Variants in KAZN observed in about 807,000 individuals in gnomAD.
KAZN encodes the protein kazrin, periplakin interacting protein.
KAZN carries 40 observed loss-of-function variants against 87.4 expected under a neutral mutation model. That is an observed-to-expected ratio of 0.46 (90% CI 0.36 to 0.60). The LOEUF is 0.60. Ranked by LOEUF, KAZN falls within the 20% of genes least tolerant of loss-of-function variation. The pLI is 0.00. For synonymous variants in KAZN, 466 were observed against 458.3 expected, an observed-to-expected ratio of 1.02 and a Z score of -0.22; for missense variants, 898 against 1,073.9, an observed-to-expected ratio of 0.84 and a Z score of 2.29.
chr1:14,447,240 T>C (rs1571671013), intron 2 of KAZN, among the ~76,000 whole-genome samples: 4 of 146,872 alleles, frequency 2.7e-5, no homozygotes, highest in East Asian at 4.0e-4. Context: ...ATTATTATTA[T>C]TATTATTATT....
intron 2 of KAZN, among the ~76,000 whole-genome samples, chr1:14,217,521 A>AT (rs984943199): frequency 6.6e-6 from 1 of 152,056 alleles, no homozygotes. Context: ...AAAAATGGAA[A>AT]TTTTTTTAAG....
chr1:14,274,691 C>G (rs1156784151), intron 2 of KAZN, among the ~76,000 whole-genome samples: 1 of 152,184 alleles, frequency 6.6e-6, no homozygotes, highest in Non-Finnish European at 1.5e-5. Flanking sequence ...ACTTCTAGCT[C>G]TGCCACATAT....
intron 1 of KAZN, among the ~76,000 whole-genome samples, chr1:13,921,733 C>T (rs1640075359): frequency 6.6e-6 from 1 of 152,114 alleles, no homozygotes; most frequent in East Asian, 1.9e-4. Flanking sequence ...TCATGCCATT[C>T]TCCTGCCTCA....
chr1:14,842,026 G>A (rs1490015384), intron 1 of KAZN, among the ~76,000 whole-genome samples: 1 of 152,114 alleles, frequency 6.6e-6, no homozygotes, highest in African/African-American at 2.4e-5. Flanking sequence ...GCCCTTATCA[G>A]TGAGTCCTTC....
At chr1:14,180,577 C>T (rs1347727942) in exon 2 of KAZN, 4 of 1,549,340 alleles carry the variant, frequency 2.6e-6, no homozygotes, top group Admixed American at 3.9e-5. Flanking sequence ...TGAGGCACCT[C>T]TTAATGGATG....
At chr1:14,611,995 A>G (rs1454625943) in intron 1 of KAZN, among the ~76,000 whole-genome samples, 1 of 152,236 alleles carries the variant, frequency 6.6e-6, no homozygotes, top group Non-Finnish European at 1.5e-5. Flanking sequence ...ATAAAACTTT[A>G]TTTATAAAAA....
rs2101528059 is a variant in KAZN, at chr1:14,063,883, T to G, written c.92-116552T>G. ...GCCATCATATAAGACGTCACTGCTC[T>G]TCCTTGTCTTCTGCCATGATTGTGA... is the stretch of plus-strand genomic sequence containing the variant. On this transcript the variant is annotated intron_variant, in intron 1 of 16. Coordinates refer to the KAZN transcript ENST00000636203. Among the ~76,000 whole-genome samples the G allele has an allele frequency of 1.3e-5, 2 of 152,280 alleles. 1 individual carries two copies. Among genetic ancestry groups the G allele is most frequent in the South Asian group, 4.2e-4 (2 of 4,818 alleles).
chr1:14,942,287 C>T (rs1247639449), intron 1 of KAZN, among the ~76,000 whole-genome samples: 1 of 151,924 alleles, frequency 6.6e-6, no homozygotes, highest in East Asian at 1.9e-4. Flanking sequence ...GCAGATGTGT[C>T]GGGAAAGAGG....
At chr1:14,233,899 A>G (rs1296764437) in intron 2 of KAZN, among the ~76,000 whole-genome samples, 22 of 152,220 alleles carry the variant, frequency 1.4e-4, no homozygotes, top group Admixed American at 1.4e-3. Context: ...TCAGGAAACA[A>G]CAGATGCTGG....
At chr1:14,788,520 T>C (rs961593557) in intron 1 of KAZN, among the ~76,000 whole-genome samples, 1 of 152,150 alleles carries the variant, frequency 6.6e-6, no homozygotes, top group African/African-American at 2.4e-5. Context: ...CAAAGGCTTA[T>C]AAGGTTTTCT....
At chr1:14,295,177 CA>C (rs748666521) in intron 2 of KAZN, among the ~76,000 whole-genome samples, 5 of 152,186 alleles carry the variant, frequency 3.3e-5, no homozygotes, top group African/African-American at 9.7e-5. Flanking sequence ...CCAATTCCCC[CA>C]ACCCTTACTG....
intron 1 of KAZN, among the ~76,000 whole-genome samples, chr1:14,062,372 C>T (rs1167056591): frequency 6.6e-6 from 1 of 152,138 alleles, no homozygotes; most frequent in Non-Finnish European, 1.5e-5. Context: ...ACTTGAGGCA[C>T]TACACTGTGC....
intron 2 of KAZN, among the ~76,000 whole-genome samples, chr1:14,358,882 G>A (rs1318189136): frequency 6.6e-6 from 1 of 152,120 alleles, no homozygotes; most frequent in Admixed American, 6.5e-5. Context: ...ATGTGGTGCT[G>A]AGAAAAAAAT....
intron 1 of KAZN, among the ~76,000 whole-genome samples, chr1:14,070,997 C>G (rs561754980): frequency 5.9e-5 from 9 of 152,276 alleles, no homozygotes; most frequent in Non-Finnish European, 1.3e-4. Context: ...AAACCTGAGT[C>G]TCCCTGACTG....
At chr1:14,024,774 A>G (rs1394542432) in intron 1 of KAZN, among the ~76,000 whole-genome samples, 1 of 151,954 alleles carries the variant, frequency 6.6e-6, no homozygotes, top group Non-Finnish European at 1.5e-5. Context: ...AAAGTTGAGG[A>G]TCTCAACCTT....
At chr1:14,150,562 AT>A (rs371233737) in intron 1 of KAZN, among the ~76,000 whole-genome samples, 1 of 152,196 alleles carries the variant, frequency 6.6e-6, no homozygotes, top group African/African-American at 2.4e-5. Context: ...CAGTTCTTAC[AT>A]CTTGCATGTG....
At chr1:14,124,381 C>T (rs927670861) in intron 1 of KAZN, 36 of 152,460 alleles carry the variant, frequency 2.4e-4, no homozygotes, top group African/African-American at 7.7e-4. Flanking sequence ...CCTGCCTAGC[C>T]GCTGGCTCTC....
chr1:15,052,015 A>C (rs1216502167), intron 4 of KAZN, among the ~76,000 whole-genome samples: 1 of 152,210 alleles, frequency 6.6e-6, no homozygotes, highest in Non-Finnish European at 1.5e-5. Context: ...CTGGAGGCTC[A>C]GAGAGGAGAA....
intron 1 of KAZN, among the ~76,000 whole-genome samples, chr1:14,618,625 C>T (rs1678444773): frequency 6.6e-6 from 1 of 152,166 alleles, no homozygotes. Flanking sequence ...GGTCAGGCAA[C>T]TGAGGCATAA....
Sources: allele counts gnomAD v4.1 joint callset (sites outside exome capture counted in the v4.1 genomes callset), GRCh38; gene constraint gnomAD v4.1.1; transcripts MANE v1.5; gene names NCBI Gene and HGNC (gene_info 2026-07-23, HGNC 2026-07-21).